METTL15: variants seen among roughly 807,000 people sequenced by gnomAD.
The protein encoded by METTL15 is 12S rRNA N(4)-cytidine methyltransferase METTL15.
In METTL15, 34 loss-of-function variants were observed where a neutral mutation model predicts 38.3. That is an observed-to-expected ratio of 0.89 (90% CI 0.68 to 1.18). The LOEUF is 1.18. Among genes scored for constraint, METTL15 ranks in the 50% most tolerant of loss-of-function variants. The probability of loss-of-function intolerance (pLI) is 0.00; values close to 1 mark genes in which losing one functional copy is unlikely to be tolerated. For missense variants in METTL15, 438 were observed against 498.4 expected, an observed-to-expected ratio of 0.88 and a Z score of 1.15; for synonymous variants, 162 against 170.9, an observed-to-expected ratio of 0.95 and a Z score of 0.41.
intron 3 of METTL15, among the ~76,000 whole-genome samples, chr11:28,151,985 TAAAG>T (rs1301759646): frequency 6.6e-6 from 1 of 152,076 alleles, no homozygotes; most frequent in Non-Finnish European, 1.5e-5. Context: ...GCTTCTGAAA[TAAAG>T]AAGGTCAATT....
chr11:28,141,956 A>T (rs1849713055), intron 3 of METTL15, among the ~76,000 whole-genome samples: 1 of 152,224 alleles, frequency 6.6e-6, no homozygotes, highest in African/African-American at 2.4e-5. Context: ...TCCTATGGTT[A>T]GCTTGGCCTA....
At chr11:28,349,342 G>T (rs532519326) in intron 3 of METTL15, among the ~76,000 whole-genome samples, 2 of 152,290 alleles carry the variant, frequency 1.3e-5, no homozygotes, top group Non-Finnish European at 2.9e-5. Flanking sequence ...AGCCTCCTCT[G>T]CACAGGTCTG....
chr11:28,230,491 G>T (rs925735081), intron 4 of METTL15, among the ~76,000 whole-genome samples: 2 of 151,862 alleles, frequency 1.3e-5, no homozygotes, highest in African/African-American at 4.8e-5. Flanking sequence ...ATAGCAGCTT[G>T]TTCAGTACAA....
chr11:28,303,175 A>G (rs1335488885), intron 6 of METTL15, among the ~76,000 whole-genome samples: 1 of 152,188 alleles, frequency 6.6e-6, no homozygotes, highest in Non-Finnish European at 1.5e-5. Flanking sequence ...GGAAATTACC[A>G]GTTAAATGCT....
the METTL15 span, among the ~76,000 whole-genome samples, chr11:28,532,207 T>C: frequency 1.6e-4 from 25 of 152,198 alleles, no homozygotes; most frequent in African/African-American, 6.0e-4. Context: ...ACTAATTGAT[T>C]AAACCCTTGG....
intron 5 of METTL15, among the ~76,000 whole-genome samples, chr11:28,391,036 T>A (rs1850500757): frequency 6.6e-6 from 1 of 152,154 alleles, no homozygotes; most frequent in Middle Eastern, 3.2e-3. Flanking sequence ...TGTTTGTCTG[T>A]TATTGGTGTA....
At chr11:28,480,238 T>C (rs1053793360) in intron 6 of METTL15, among the ~76,000 whole-genome samples, 6 of 152,192 alleles carry the variant, frequency 3.9e-5, no homozygotes, top group African/African-American at 1.4e-4. Flanking sequence ...CAGCAAACAC[T>C]GATTTGTAGC....
At position 28,442,902 on chromosome 11, in the gene METTL15, A is replaced by G. The variant is rs535881419; in HGVS notation, c.*424+18538A>G. ...TTTATTATAAAAGTAATGAATGTTC[A>G]TTATAGTAATATTGGAGAATGCAGA... is the stretch of plus-strand genomic sequence containing the variant. On this transcript the variant is annotated intron_variant and NMD_transcript_variant, in intron 6 of 7. Transcript: ENST00000532947. 2.6e-5 allele frequency among the ~76,000 whole-genome samples: 4 copies of G among 152,356 alleles called. No homozygotes were observed. The South Asian group carries it at 8.3e-4, about 32-fold the overall frequency.
chr11:28,157,123 G>T (rs908706603), intron 3 of METTL15, among the ~76,000 whole-genome samples: 1 of 152,186 alleles, frequency 6.6e-6, no homozygotes, highest in Non-Finnish European at 1.5e-5. Context: ...CTGATCCTGG[G>T]AGAGGTATTC....
intron 4 of METTL15, among the ~76,000 whole-genome samples, chr11:28,280,637 A>G (rs919525328): frequency 1.4e-5 from 2 of 140,972 alleles, no homozygotes; most frequent in South Asian, 2.2e-4. Context: ...GGTCATATGT[A>G]TGTTAGGTTT....
rs79222952 is a variant in METTL15, at chr11:28,499,203, T to C, written c.*425-27275T>C. On this transcript the variant is annotated intron_variant and NMD_transcript_variant, in intron 6 of 7. Transcript: ENST00000532947. ...CCCTTGGACCTTTGCCTAGGATAAC[T>C]GATGTTCTCCTCAACCTGTTTTTTA... 8.6e-3 allele frequency among the ~76,000 whole-genome samples: 1,305 copies of C among 152,284 alleles called. 99 individuals are homozygous for C. In the East Asian group the frequency reaches 0.2, roughly 23 times the overall value.
chr11:28,487,639 A>C (rs55756677), intron 6 of METTL15, among the ~76,000 whole-genome samples: 1 of 152,190 alleles, frequency 6.6e-6, no homozygotes, highest in African/African-American at 2.4e-5. Context: ...ACTTTTTAAA[A>C]TTTTTTATTT....
chr11:28,197,093 A>C (rs1851936969), intron 3 of METTL15, among the ~76,000 whole-genome samples: 1 of 152,062 alleles, frequency 6.6e-6, no homozygotes, highest in Admixed American at 6.6e-5. Context: ...GCTTGAATGA[A>C]AGTTAATTCA....
At chr11:28,493,394 T>G (rs1006763011) in intron 6 of METTL15, among the ~76,000 whole-genome samples, 7 of 152,274 alleles carry the variant, frequency 4.6e-5, no homozygotes, top group African/African-American at 1.7e-4. Flanking sequence ...CAATCATAGC[T>G]GAAGCTTCCG....
At chr11:28,164,582 G>A (rs1850589118) in intron 3 of METTL15, among the ~76,000 whole-genome samples, 2 of 151,970 alleles carry the variant, frequency 1.3e-5, no homozygotes, top group East Asian at 1.9e-4. Flanking sequence ...TATTTATGGA[G>A]TACAGTGTAA....
intron 6 of METTL15, among the ~76,000 whole-genome samples, chr11:28,460,431 G>T (rs1289670661): frequency 1.3e-5 from 2 of 152,028 alleles, no homozygotes; most frequent in African/African-American, 4.8e-5. Flanking sequence ...CACAGAACTG[G>T]ATGATCTGTA....
At chr11:28,211,259 A>G in intron 4 of METTL15, 61 bp downstream of exon 4, 1 of 1,499,964 alleles carries the variant, frequency 6.7e-7, no homozygotes, top group Non-Finnish European at 9.0e-7. Context: ...AGCTTGGTTT[A>G]CCACCTTGGA....
chr11:28,458,373 A>G (rs1389103533), intron 6 of METTL15, among the ~76,000 whole-genome samples: 2 of 152,146 alleles, frequency 1.3e-5, no homozygotes, highest in Non-Finnish European at 2.9e-5. Flanking sequence ...TATGTTATCA[A>G]CCTCTATCAT....
chr11:28,123,847 T>C, intron 3 of METTL15: 1 of 1,434,484 alleles, frequency 7.0e-7, no homozygotes, highest in Non-Finnish European at 9.4e-7. Context: ...TACATGTATT[T>C]TTCTTTCTGG....
Sources: allele counts gnomAD v4.1 joint callset (sites outside exome capture counted in the v4.1 genomes callset), GRCh38; gene constraint gnomAD v4.1.1; transcripts MANE v1.5; gene names NCBI Gene and HGNC (gene_info 2026-07-23, HGNC 2026-07-21).